TMEM161A: variants seen among roughly 807,000 people sequenced by gnomAD.
TMEM161A encodes transmembrane protein 161A, also known as adaptive response to oxidative stress protein 29.
In TMEM161A, 46 loss-of-function variants were observed where a neutral mutation model predicts 57.1. The ratio of observed to expected loss-of-function variants is 0.81; its 90% CI spans 0.64 to 1.03. TMEM161A has a LOEUF of 1.03. Ranked by LOEUF, TMEM161A falls within the 50% of genes least tolerant of loss-of-function variation. TMEM161A has a pLI of 0.00. For synonymous variants in TMEM161A, 288 were observed against 279.0 expected (o/e 1.03, Z -0.32); for missense variants, 601 against 621.5 (o/e 0.97, Z 0.35).
intron 1 of TMEM161A, among the ~76,000 whole-genome samples, chr19:19,137,407 A>G (rs558717932): frequency 2.7e-4 from 41 of 152,132 alleles, no homozygotes; most frequent in African/African-American, 9.6e-4. Context: ...AGGTCTGTCC[A>G]GGGATGTTCT....
intron 6 of TMEM161A, among the ~76,000 whole-genome samples, chr19:19,127,841 G>A (rs1158537830): frequency 9.9e-5 from 15 of 152,098 alleles, no homozygotes; most frequent in African/African-American, 3.6e-4. Context: ...TTGGAAGGCT[G>A]AGGTGGGAGG....
At position 19,124,972 on chromosome 19, in the gene TMEM161A, C is replaced by CA. The variant is rs1267266584; in HGVS notation, c.596-3154dup. 8.7e-5 allele frequency among the ~76,000 whole-genome samples: 13 copies of CA among 149,938 alleles called. No homozygotes were observed. The East Asian group carries it at 2.0e-3, about 23-fold the overall frequency. On this transcript the variant is annotated intron_variant, in intron 6 of 11. Transcript: ENST00000162044. The stretch of plus-strand genomic sequence containing the variant: ...CTCCATCTCAAAACAAAAACAAAAA[C>CA]AAAAAAAAACTTAGGTGAACAAAAG...
intron 5 of TMEM161A, among the ~76,000 whole-genome samples, chr19:19,131,682 C>A (rs1664938874): frequency 6.6e-6 from 1 of 152,070 alleles, no homozygotes; most frequent in South Asian, 2.1e-4. Flanking sequence ...TGCACCACCA[C>A]CCCCGGCTAA....
At chr19:19,133,253 T>C (rs371364904) in intron 2 of TMEM161A, 43 bp from the exon 3 acceptor site, 16 of 1,598,624 alleles carry the variant, frequency 1.0e-5, no homozygotes, top group African/African-American at 2.7e-5. Context: ...AGGCGTGGGG[T>C]TGGGAGGTTG....
rs1195585767 is a variant in TMEM161A at position 19,121,173 on chromosome 19, G to A, written c.915-7C>T. 7 of 1,596,338 alleles carry A rather than the reference G, an allele frequency of 4.4e-6. No homozygotes were observed. The highest frequency in any genetic ancestry group is 2.3e-5 in the East Asian group (1 of 44,386). Reference sequence around the variant, plus strand: ...GAAGGCAGAATCGGACAGCCTGTGCGGAGAGGGCCGGGGGCAAGGGACTAA... The same window carrying A: ...GAAGGCAGAATCGGACAGCCTGTGCAGAGAGGGCCGGGGGCAAGGGACTAA... On this transcript the variant is annotated splice_polypyrimidine_tract_variant and splice_region_variant and intron_variant, in intron 9 of 11. Transcript: ENST00000162044. The surrounding 1 kb of genome is among the most constrained non-coding windows in gnomAD (Gnocchi z 5.8).
chr19:19,120,790 G>GT lies in TMEM161A; in HGVS notation c.1160dup (p.Asn387LysfsTer178). The GT allele has an allele frequency of 6.2e-7, 1 of 1,613,530 alleles. No homozygotes were observed. Among genetic ancestry groups the GT allele is most frequent in the Non-Finnish European group, 8.5e-7 (1 of 1,180,006 alleles). ...CCAGCGTCTTGAGCAGAAGTGTGCAGTTGAGGGTGAGGATGAGCGGCGTCA... is the reference window on the plus strand; with the variant it reads ...CCAGCGTCTTGAGCAGAAGTGTGCAGTTTGAGGGTGAGGATGAGCGGCGTCA... On this transcript the variant is annotated frameshift_variant, in exon 11 of 12. Coordinates refer to ENST00000162044, the MANE Select transcript of TMEM161A (RefSeq NM_017814.3). LOFTEE classifies it low-confidence loss of function (END_TRUNC).
chr19:19,130,729 G>C (rs1292140459), intron 5 of TMEM161A, among the ~76,000 whole-genome samples: 1 of 151,754 alleles, frequency 6.6e-6, no homozygotes, highest in Non-Finnish European at 1.5e-5. Flanking sequence ...TTGAGCCCAG[G>C]AGTTCAAGAG....
intron 6 of TMEM161A, among the ~76,000 whole-genome samples, chr19:19,122,152 G>A (rs1281502607): frequency 1.3e-5 from 2 of 152,180 alleles, no homozygotes; most frequent in Non-Finnish European, 2.9e-5. Context: ...AAATTAGCCA[G>A]GTGTGGTGGC....
In TMEM161A at chr19:19,121,118, C is replaced by T. The variant is rs776946490; in HGVS notation, c.963G>A (p.Val321=). ...TCACCGCCAGCCGCAGCAGGCACAGCACCACCAGCAACCAGAGGCGCCCAG... is the reference window on the plus strand; with the variant it reads ...TCACCGCCAGCCGCAGCAGGCACAGTACCACCAGCAACCAGAGGCGCCCAG... ...FDSGRLWLLV[V]LCLLRLAVTR... Residue 321 remains valine, a synonymous_variant, in exon 10 of 12, where the codon GTG becomes GTA. Transcript: ENST00000162044. The surrounding 1 kb of genome is among the most constrained non-coding windows in gnomAD (Gnocchi z 5.8). 3 of 1,611,312 alleles carry T rather than the reference C, an allele frequency of 1.9e-6. No individual in the cohort carries two copies. The Middle Eastern group carries it at 5.0e-4, about 266-fold the overall frequency.
intron 6 of TMEM161A, among the ~76,000 whole-genome samples, chr19:19,124,782 C>T (rs1217395752): frequency 6.6e-6 from 1 of 152,014 alleles, no homozygotes; most frequent in African/African-American, 2.4e-5. Context: ...TGGTAAAACC[C>T]CGTCTCTACT....
chr19:19,130,046 G>T, intron 6 of TMEM161A, 110 bp downstream of exon 6: 1 of 1,285,720 alleles, frequency 7.8e-7, no homozygotes, highest in Non-Finnish European at 1.1e-6. Flanking sequence ...CACCCCAGGA[G>T]CCCACTCCTT....
In TMEM161A at chr19:19,137,173, C is replaced by T. The variant is rs117336466; in HGVS notation, c.3+1253G>A. 5.8e-3 allele frequency among the ~76,000 whole-genome samples: 887 copies of T among 152,276 alleles called. 4 individuals are homozygous for T. The highest frequency in any genetic ancestry group is 9.9e-3 in the Non-Finnish European group (675 of 68,014). ...GTGGTTCAGGCCCTTCCCAGTCTCACAGTCAGCCCCCAACTTGGTTCTGCA... is the reference window on the plus strand; with the variant it reads ...GTGGTTCAGGCCCTTCCCAGTCTCATAGTCAGCCCCCAACTTGGTTCTGCA... On this transcript the variant is annotated intron_variant, in intron 1 of 11. Coordinates refer to ENST00000162044, the MANE Select transcript of TMEM161A (RefSeq NM_017814.3).
rs2059904939 is a variant in TMEM161A, at chr19:19,120,711, C to A, written c.1186+54G>T. The A allele has an allele frequency of 4.5e-6, 7 of 1,542,320 alleles. No homozygotes were observed. In the East Asian group the frequency reaches 6.8e-5, roughly 15 times the overall value. ...GTCCCCGCCAGAGTCCACCTCCACT[C>A]TGTTTTATCTTCCAACTCCGCCCCT... On this transcript the variant is annotated intron_variant, in intron 11 of 11. Transcript: ENST00000162044.
chr19:19,135,269 C>T (rs192868356), intron 1 of TMEM161A, among the ~76,000 whole-genome samples: 2 of 152,266 alleles, frequency 1.3e-5, no homozygotes, highest in East Asian at 1.9e-4. Context: ...CAGCCCCTAA[C>T]CACGAGCCCG....
In TMEM161A at chr19:19,132,710, C is replaced by A; in HGVS notation, c.233G>T (p.Arg78Leu). The A allele has an allele frequency of 1.3e-6, 2 of 1,579,066 alleles. No individual in the cohort carries two copies. Among genetic ancestry groups the A allele is most frequent in the Non-Finnish European group, 1.7e-6 (2 of 1,162,660 alleles). The part of the protein sequence containing the change: ...LSEEKPLSVP[R>L]DAPFQLETCP... ...GGTCTCCAGCTGGAACGGGGCATCTCGGGGCACAGACAGTGGCTTCTCCTC... is the reference window on the plus strand; with the variant it reads ...GGTCTCCAGCTGGAACGGGGCATCTAGGGGCACAGACAGTGGCTTCTCCTC... Residue 78 changes from arginine to leucine, a missense_variant, in exon 4 of 12, where the codon CGA becomes CTA. By Grantham distance (102) the Arg-to-Leu change is moderately radical. Transcript: ENST00000162044. The surrounding 1 kb of genome is among the most constrained non-coding windows in gnomAD (Gnocchi z 4.3).
In TMEM161A at chr19:19,135,446, T is replaced by C. The variant is rs149348242; in HGVS notation, c.4-559A>G. 1.5e-4 allele frequency among the ~76,000 whole-genome samples: 23 copies of C among 152,296 alleles called. No individual in the cohort carries two copies. The East Asian group carries it at 4.4e-3, about 29-fold the overall frequency. On this transcript the variant is annotated intron_variant, in intron 1 of 11. Coordinates refer to ENST00000162044, the MANE Select transcript of TMEM161A (RefSeq NM_017814.3). The stretch of plus-strand genomic sequence containing the variant: ...CTGATGGTTCCATCACCCTCCTCCC[T>C]CTTCTTCCCTTTGTAATTAACCTCC...
In TMEM161A at chr19:19,120,814, C is replaced by G. The variant is rs775023414; in HGVS notation, c.1137G>C (p.Leu379=). 1.9e-6 allele frequency: 3 copies of G among 1,613,494 alleles called. No individual in the cohort carries two copies. The highest frequency in any genetic ancestry group is 1.7e-5 in the Admixed American group (1 of 60,018). ...AGTTGAGGGTGAGGATGAGCGGCGT[C>G]AGGTACTGCAAGCTCACCACGGTCA... The part of the protein sequence containing the change: ...CYVTVVSLQY[L]TPLILTLNCT... Residue 379 remains leucine, a synonymous_variant, in exon 11 of 12, where the codon CTG becomes CTC. Coordinates refer to ENST00000162044, the MANE Select transcript of TMEM161A (RefSeq NM_017814.3).
In TMEM161A at chr19:19,133,073, C is replaced by T. The variant is rs953583405; in HGVS notation, c.188+57G>A. 3.4e-5 allele frequency: 53 copies of T among 1,538,298 alleles called. 1 individual carries two copies. The South Asian group carries it at 6.3e-4, about 18-fold the overall frequency. ...CAGAGCCCCCTGAGCAGGGGTGAGGCCGTTCCTGGGGAGGAGCCACCCTCC... is the reference window on the plus strand; with the variant it reads ...CAGAGCCCCCTGAGCAGGGGTGAGGTCGTTCCTGGGGAGGAGCCACCCTCC... On this transcript the variant is annotated intron_variant, in intron 3 of 11. Coordinates refer to ENST00000162044, the MANE Select transcript of TMEM161A (RefSeq NM_017814.3).
Position 19,121,828 on chromosome 19 carries a change from G to C in TMEM161A, c.596-9C>G. The C allele has an allele frequency of 1.2e-6, 2 of 1,613,566 alleles. No individual in the cohort carries two copies. Among genetic ancestry groups the C allele is most frequent in the Non-Finnish European group, 8.5e-7 (1 of 1,179,952 alleles). On this transcript the variant is annotated splice_polypyrimidine_tract_variant and intron_variant, in intron 6 of 11. Transcript: ENST00000162044. The surrounding 1 kb of genome is among the most constrained non-coding windows in gnomAD (Gnocchi z 5.8). The stretch of plus-strand genomic sequence containing the variant: ...GGTCATGCTGGCCAGACCTGGGGAC[G>C]ATAAGAAGAGGACCGAGTAGAGTGA...
Sources: allele counts gnomAD v4.1 joint callset (sites outside exome capture counted in the v4.1 genomes callset), GRCh38; gene constraint gnomAD v4.1.1; non-coding constraint Gnocchi (gnomAD v3.1); transcripts MANE v1.5; gene names NCBI Gene and HGNC (gene_info 2026-07-23, HGNC 2026-07-21).